Variants in PPP2R3B observed in about 807,000 individuals in gnomAD.
PPP2R3B encodes serine/threonine-protein phosphatase 2A regulatory subunit B'' subunit beta.
Under a neutral mutation model 72.9 loss-of-function variants are expected in PPP2R3B, and 68 were observed. The ratio of observed to expected loss-of-function variants is 0.93; its 90% CI spans 0.77 to 1.14. The LOEUF (loss-of-function observed/expected upper bound fraction) is 1.14, where lower values mean the gene tolerates loss of function less well. Ranked by LOEUF, PPP2R3B falls within the 50% of genes most tolerant of loss-of-function variation. PPP2R3B has a pLI of 0.00. For missense variants in PPP2R3B, 1,018 were observed against 842.0 expected, an observed-to-expected ratio of 1.21 and a Z score of -2.59; for synonymous variants, 466 against 375.8, an observed-to-expected ratio of 1.24 and a Z score of -2.78.
chrX:342,387 CT>C (rs1213669737), intron 7 of PPP2R3B: 2 of 190,020 alleles, frequency 1.1e-5, no homozygotes, highest in African/African-American at 5.7e-5. Context: ...GGAGTGAGAC[CT>C]CAGCAACGGG....
Position 386,694 on chromosome X carries a change from C to A in PPP2R3B, c.-3G>T. On this transcript the variant is annotated 5_prime_UTR_variant, in exon 1 of 13. Coordinates refer to ENST00000390665, the MANE Select transcript of PPP2R3B (RefSeq NM_013239.5). ...TGCAGCACTTTGCCGGGCGGCATGG[C>A]GGGGGCTGGGCCCGCGGCGCCCCCG... 3 of 1,286,536 alleles carry A rather than the reference C, an allele frequency of 2.3e-6. No homozygotes were observed. The highest frequency in any genetic ancestry group is 2.5e-5 in the South Asian group (1 of 39,330). 79.7% of individuals were successfully genotyped at this position (1,286,536 alleles called of 1,614,324 possible). A position where few individuals can be genotyped will look rare whatever the true frequency, so the allele number is the denominator to read the frequency against.
In PPP2R3B at chrX:369,932, G is replaced by T. The variant is rs926573707; in HGVS notation, c.325-8342C>A. On this transcript the variant is annotated intron_variant, in intron 1 of 12. Transcript: ENST00000390665. ...GGAATCAGGGACGGGGGGTTTGGCC[G>T]GGACGCACACTCATGGATTCCAGCT... 8.0e-4 allele frequency among the ~76,000 whole-genome samples: 122 copies of T among 152,102 alleles called. 1 individual carries two copies. The highest frequency in any genetic ancestry group is 1.2e-3 in the Non-Finnish European group (81 of 68,004).
chrX:364,377 G>A (rs991884420), intron 1 of PPP2R3B, among the ~76,000 whole-genome samples: 6 of 151,780 alleles, frequency 4.0e-5, no homozygotes, highest in African/African-American at 2.4e-5. Context: ...AGGATGCTGC[G>A]AAAACCCTCA....
chrX:341,256 C>G (rs763001280), intron 9 of PPP2R3B, 51 bp downstream of exon 9: 2 of 1,590,180 alleles, frequency 1.3e-6, no homozygotes, highest in Admixed American at 3.3e-5. Flanking sequence ...GTCACATGGG[C>G]GGCTCCCGGC....
In PPP2R3B at chrX:338,375, C is replaced by G; in HGVS notation, c.1577+229G>C. The G allele has an allele frequency of 6.6e-6, 4 of 607,754 alleles. No homozygotes were observed. The South Asian group carries it at 7.7e-5, about 12-fold the overall frequency. The allele number at this position is 607,754 out of a possible 1,614,324, so 37.6% of individuals were successfully genotyped here. A position where few individuals can be genotyped will look rare whatever the true frequency, so the allele number is the denominator to read the frequency against. ...TCGCGCCCAGGATCACAGAACCCCA[C>G]GCGGGGAATGACGGGCAGACTGCAC... is the stretch of plus-strand genomic sequence containing the variant. On this transcript the variant is annotated intron_variant, in intron 12 of 12. Coordinates refer to ENST00000390665, the MANE Select transcript of PPP2R3B (RefSeq NM_013239.5).
rs370558284 is a variant in PPP2R3B, at chrX:334,337, G to A, written c.*30C>T. Reference sequence around the variant, plus strand: ...GGCCCGGTGGTGGCACGTGGGGAGCGGCCCCGCGGCGGCGTTCTCGCGGGC... The same window carrying A: ...GGCCCGGTGGTGGCACGTGGGGAGCAGCCCCGCGGCGGCGTTCTCGCGGGC... On this transcript the variant is annotated 3_prime_UTR_variant, in exon 13 of 13. Coordinates refer to ENST00000390665, the MANE Select transcript of PPP2R3B (RefSeq NM_013239.5). 7.2e-4 allele frequency: 1,052 copies of A among 1,453,684 alleles called. 3 individuals carry two copies. Among genetic ancestry groups the A allele is most frequent in the South Asian group, 3.5e-3 (247 of 71,128 alleles). The allele number at this position is 1,453,684 out of a possible 1,614,324, so 90.0% of individuals were successfully genotyped here. A position where few individuals can be genotyped will look rare whatever the true frequency, so the allele number is the denominator to read the frequency against.
At chrX:385,110 C>A (rs768182283) in intron 1 of PPP2R3B, among the ~76,000 whole-genome samples, 23 of 151,694 alleles carry the variant, frequency 1.5e-4, no homozygotes, top group African/African-American at 5.1e-4. Context: ...GGGGGCCTAA[C>A]CATAATGCAT....
intron 2 of PPP2R3B, chrX:347,909 G>T (rs1252027902): frequency 3.7e-6 from 2 of 544,880 alleles, no homozygotes; most frequent in South Asian, 2.6e-5. Flanking sequence ...TGCCGGGCAC[G>T]CAGTATCCCC....
intron 7 of PPP2R3B, among the ~76,000 whole-genome samples, chrX:344,232 CGGGA>C: frequency 8.9e-6 from 1 of 112,290 alleles, no homozygotes; most frequent in East Asian, 2.8e-4. Context: ...ACCTCACCAA[CGGGA>C]GGCCGGAGTG....
At chrX:356,979 AAC>A (rs58829940) in intron 2 of PPP2R3B, among the ~76,000 whole-genome samples, 19,162 of 111,246 alleles carry the variant, frequency 0.17, 2,621 homozygotes, top group Admixed American at 0.24. Context: ...ATCAGTCCTC[AAC>A]ACACACACAT....
chrX:385,787 A>G (rs2072234333), intron 1 of PPP2R3B, among the ~76,000 whole-genome samples: 8 of 152,094 alleles, frequency 5.3e-5, no homozygotes. Context: ...ATTGTAAAAT[A>G]AATAAAAAAC....
intron 1 of PPP2R3B, among the ~76,000 whole-genome samples, chrX:371,908 C>T (rs1341573425): frequency 6.6e-6 from 1 of 150,920 alleles, no homozygotes; most frequent in Non-Finnish European, 1.5e-5. Flanking sequence ...TCCCTAAAAA[C>T]GTGGAAACCT....
At chrX:368,124 G>A (rs2071764067) in intron 1 of PPP2R3B, among the ~76,000 whole-genome samples, 1 of 151,660 alleles carries the variant, frequency 6.6e-6, no homozygotes, top group African/African-American at 2.4e-5. Context: ...CACAGGGAAG[G>A]CCGGGACCAC....
intron 2 of PPP2R3B, among the ~76,000 whole-genome samples, chrX:354,071 A>AAAGACCGGGGCTCGCCCG (rs1366793791): frequency 8.5e-6 from 1 of 117,566 alleles, no homozygotes; most frequent in African/African-American, 4.3e-5. Context: ...GGGCTCGCCC[A>AAAGACCGGGGCTCGCCCG]AAGACCGGGG....
In PPP2R3B at chrX:334,517, C is replaced by G; in HGVS notation, c.1578G>C (p.Gly526=). 1 of 1,538,894 alleles carries G rather than the reference C, an allele frequency of 6.5e-7. No individual in the cohort carries two copies. ...EETAGEPWED[G]FEAELSPVEQ... is the part of the protein sequence containing the mutation. ...CCACAGGGCTGAGCTCGGCCTCGAA[C>G]CTGCAACGAGGGGATGGCGAAGACG... Residue 526 remains glycine (G), a splice_region_variant and synonymous_variant, in exon 13 of 13, where the codon GGG becomes GGC. Coordinates refer to ENST00000390665, the MANE Select transcript of PPP2R3B (RefSeq NM_013239.5).
intron 1 of PPP2R3B, among the ~76,000 whole-genome samples, chrX:382,087 T>G (rs1345983392): frequency 6.6e-6 from 1 of 152,150 alleles, no homozygotes; most frequent in Non-Finnish European, 1.5e-5. Flanking sequence ...TCCTGCACCC[T>G]GCACACCCTG....
intron 2 of PPP2R3B, among the ~76,000 whole-genome samples, chrX:348,509 G>C (rs1352825873): frequency 2.0e-5 from 3 of 150,932 alleles, no homozygotes; most frequent in Non-Finnish European, 4.4e-5. Context: ...CTGGGAGGTG[G>C]AGGTTGCAGT....
chrX:356,991 T>C (rs998372399), intron 2 of PPP2R3B, among the ~76,000 whole-genome samples: 1 of 133,836 alleles, frequency 7.5e-6, no homozygotes, highest in Non-Finnish European at 1.5e-5. Context: ...CACACACACA[T>C]AGCGAAACAT....
chrX:351,055 G>A (rs1473064441), intron 2 of PPP2R3B, among the ~76,000 whole-genome samples: 2 of 152,192 alleles, frequency 1.3e-5, no homozygotes, highest in South Asian at 2.1e-4. Flanking sequence ...CGCCACAGCG[G>A]GGATTGCAGT....
Sources: allele counts gnomAD v4.1 joint callset (sites outside exome capture counted in the v4.1 genomes callset), GRCh38; gene constraint gnomAD v4.1.1; transcripts MANE v1.5; gene names NCBI Gene and HGNC (gene_info 2026-07-23, HGNC 2026-07-21).